The following LMO2 variants were observed in gnomAD, a reference collection of about 807,000 sequenced individuals.
LMO2 encodes the protein rhombotin-2.
In LMO2, 20 loss-of-function variants were observed where a neutral mutation model predicts 23.2. The ratio of observed to expected loss-of-function variants is 0.86; its 90% CI spans 0.61 to 1.25. The LOEUF is 1.25. Among genes scored for constraint, LMO2 ranks in the 50% most tolerant of loss-of-function variants. The probability of loss-of-function intolerance (pLI) is 0.00; values close to 1 mark genes in which losing one functional copy is unlikely to be tolerated. For synonymous variants in LMO2, 123 were observed against 130.2 expected (o/e 0.94, Z 0.38); for missense variants, 270 against 315.3 (o/e 0.86, Z 1.09).
At chr11:33,870,241 C>T in intron 2 of LMO2, 1 of 570,844 alleles carries the variant, frequency 1.8e-6, no homozygotes, top group Non-Finnish European at 2.2e-6. Flanking sequence ...TTCTTCAGGG[C>T]TTCCCCTCTT....
At chr11:33,863,718 G>A (rs1856667405) in intron 5 of LMO2, among the ~76,000 whole-genome samples, 1 of 152,200 alleles carries the variant, frequency 6.6e-6, no homozygotes, top group Non-Finnish European at 1.5e-5. Context: ...AAATTCGGAT[G>A]GCCAATAGGA....
rs1233270291 is a variant in LMO2 at position 33,891,918 on chromosome 11, A to T, written c.-459T>A. 6.6e-6 allele frequency: 1 copy of T among 152,210 alleles called. No homozygotes were observed. Among genetic ancestry groups the T allele is most frequent in the African/African-American group, 2.4e-5 (1 of 41,386 alleles). The allele number at this position is 152,210 out of a possible 1,614,324, so 9.4% of individuals were successfully genotyped here. A position where few individuals can be genotyped will look rare whatever the true frequency, so the allele number is the denominator to read the frequency against. ...TCTCGGGAGGCCCTGGCACCCTAGC[A>T]CCTGGTGCCTGTGCCATCTCCCCTC... On this transcript the variant is annotated 5_prime_UTR_variant, in exon 1 of 6. Transcript: ENST00000257818.
At chr11:33,869,212 T>G (rs933414721) in intron 4 of LMO2, 134 bp downstream of exon 4, 17 of 536,264 alleles carry the variant, frequency 3.2e-5, no homozygotes, top group Middle Eastern at 7.3e-4. Context: ...AGCCCAGCGC[T>G]CGGCACAGGG....
intron 1 of LMO2, among the ~76,000 whole-genome samples, chr11:33,888,349 G>A (rs1214147170): frequency 6.6e-6 from 1 of 152,036 alleles, no homozygotes; most frequent in East Asian, 1.9e-4. Context: ...AGATCATTTC[G>A]CTCCTCTGCT....
Position 33,869,593 on chromosome 11 carries a change from A to G in LMO2, c.8-7T>C. On this transcript the variant is annotated splice_polypyrimidine_tract_variant and splice_region_variant and intron_variant, in intron 3 of 5. Coordinates refer to ENST00000257818, the MANE Select transcript of LMO2 (RefSeq NM_005574.4). The stretch of plus-strand genomic sequence containing the variant: ...AGGACAGTCACCGCGCTCCCTTCAA[A>G]CGCCAAAGAGAGAGAGCGAATCACC... 1 of 1,291,270 alleles carries G rather than the reference A, an allele frequency of 7.7e-7. No individual in the cohort carries two copies. Among genetic ancestry groups the G allele is most frequent in the Non-Finnish European group, 9.9e-7 (1 of 1,008,562 alleles). 80.0% of individuals were successfully genotyped at this position (1,291,270 alleles called of 1,614,324 possible). A position where few individuals can be genotyped will look rare whatever the true frequency, so the allele number is the denominator to read the frequency against.
chr11:33,881,668 T>C (rs527687747), intron 2 of LMO2, 156 bp downstream of exon 2: 34 of 336,172 alleles, frequency 1.0e-4, no homozygotes, highest in South Asian at 7.2e-4. Flanking sequence ...CATTTTGTAA[T>C]TGTTAAGTGC....
At chr11:33,870,276 A>T in intron 2 of LMO2, 2 of 846,232 alleles carry the variant, frequency 2.4e-6, no homozygotes, top group African/African-American at 1.8e-5. Flanking sequence ...TGGTTTAACT[A>T]AGGCAGAAAG....
intron 2 of LMO2, chr11:33,870,382 C>T: frequency 3.0e-6 from 3 of 985,564 alleles, no homozygotes; most frequent in Non-Finnish European, 2.4e-6. Context: ...TCCGCCCGTC[C>T]CAGGTTCGAG....
intron 2 of LMO2, chr11:33,881,186 T>C (rs973100000): frequency 4.4e-6 from 2 of 457,018 alleles, no homozygotes; most frequent in Non-Finnish European, 8.8e-6. Context: ...TCCAAAGACT[T>C]CGAGACTGCC....
chr11:33,875,336 C>T (rs1307555747), intron 2 of LMO2, among the ~76,000 whole-genome samples: 1 of 152,006 alleles, frequency 6.6e-6, no homozygotes, highest in Non-Finnish European at 1.5e-5. Context: ...CTGACACTTT[C>T]GGAGGCTGAG....
At chr11:33,859,664 G>C in intron 5 of LMO2, 89 bp from the exon 6 acceptor site, 1 of 1,174,366 alleles carries the variant, frequency 8.5e-7, no homozygotes, top group East Asian at 2.5e-5. Flanking sequence ...AAAGGAGGCC[G>C]AACTTTCAGG....
intron 1 of LMO2, among the ~76,000 whole-genome samples, chr11:33,884,765 C>A (rs1857366227): frequency 6.6e-6 from 1 of 152,216 alleles, no homozygotes; most frequent in Non-Finnish European, 1.5e-5. Context: ...CAATATTTAT[C>A]CACGTCCAGC....
At chr11:33,886,745 C>T (rs764306057) in intron 1 of LMO2, among the ~76,000 whole-genome samples, 2 of 152,126 alleles carry the variant, frequency 1.3e-5, no homozygotes, top group African/African-American at 2.4e-5. Flanking sequence ...TTTCAGAACA[C>T]GAATGTTGGG....
intron 5 of LMO2, among the ~76,000 whole-genome samples, chr11:33,861,182 T>C (rs562501589): frequency 6.6e-6 from 1 of 152,372 alleles, no homozygotes; most frequent in African/African-American, 2.4e-5. Flanking sequence ...CCAGTCTTGC[T>C]GCAGGAAGTA....
In LMO2 at chr11:33,869,604, A is replaced by G; in HGVS notation, c.8-18T>C. The G allele has an allele frequency of 7.8e-7, 1 of 1,278,350 alleles. No homozygotes were observed. The highest frequency in any genetic ancestry group is 1.6e-5 in the African/African-American group (1 of 62,498). The allele number at this position is 1,278,350 out of a possible 1,614,324, so 79.2% of individuals were successfully genotyped here. On this transcript the variant is annotated intron_variant, in intron 3 of 5. Coordinates refer to ENST00000257818, the MANE Select transcript of LMO2 (RefSeq NM_005574.4). The stretch of plus-strand genomic sequence containing the variant: ...CGCGCTCCCTTCAAACGCCAAAGAG[A>G]GAGAGCGAATCACCGGGCTGCGGGC...
rs760048603 is a variant in LMO2, at chr11:33,888,860, C to T, written c.-336+2935G>A. Among the ~76,000 whole-genome samples the T allele has an allele frequency of 5.9e-5, 9 of 152,176 alleles. No individual in the cohort carries two copies. In the East Asian group the frequency reaches 1.7e-3, roughly 29 times the overall value. On this transcript the variant is annotated intron_variant, in intron 1 of 5. Transcript: ENST00000257818. The stretch of plus-strand genomic sequence containing the variant: ...CTGTGTATGAGGCGCCCAGTAAACA[C>T]TTGCTGAGTGGATGAATGAAGTGTG...
At chr11:33,870,949 G>T in intron 2 of LMO2, 1 of 522,436 alleles carries the variant, frequency 1.9e-6, no homozygotes, top group Non-Finnish European at 2.5e-6. Context: ...GCTCTCCTGG[G>T]CCTCAGAGTT....
intron 2 of LMO2, 33 bp from the exon 3 acceptor site, chr11:33,870,020 C>A: frequency 1.4e-5 from 12 of 838,208 alleles, no homozygotes; most frequent in Non-Finnish European, 1.7e-5. Context: ...AGAAGGAAAT[C>A]ACATTTAAAG....
chr11:33,861,948 T>C (rs772775209), intron 5 of LMO2, among the ~76,000 whole-genome samples: 1 of 152,184 alleles, frequency 6.6e-6, no homozygotes, highest in Non-Finnish European at 1.5e-5. Flanking sequence ...CTGTAGCCCC[T>C]TCCAGCTCTG....
Sources: allele counts gnomAD v4.1 joint callset (sites outside exome capture counted in the v4.1 genomes callset), GRCh38; gene constraint gnomAD v4.1.1; transcripts MANE v1.5; gene names NCBI Gene and HGNC (gene_info 2026-07-23, HGNC 2026-07-21).